The following SLC9A6 variants were observed in gnomAD, a reference collection of about 807,000 sequenced individuals.
SLC9A6 encodes sodium/hydrogen exchanger 6.
SLC9A6 carries 6 observed loss-of-function variants against 45.3 expected under a neutral mutation model. The ratio of observed to expected loss-of-function variants is 0.13; its 90% CI spans 0.07 to 0.26. The LOEUF (loss-of-function observed/expected upper bound fraction) is 0.26, where lower values mean the gene tolerates loss of function less well. Among genes scored for constraint, SLC9A6 ranks in the 10% least tolerant of loss-of-function variants. The pLI, the probability that SLC9A6 is intolerant of heterozygous loss-of-function variation, is 1.00. For missense variants in SLC9A6, 278 were observed against 503.7 expected, an observed-to-expected ratio of 0.55 and a Z score of 4.29; for synonymous variants, 191 against 187.7, an observed-to-expected ratio of 1.02 and a Z score of -0.14.
intron 15 of SLC9A6, 170 bp from the exon 16 acceptor site, chrX:136,033,244 A>G (rs1281462718): frequency 9.7e-6 from 3 of 308,608 alleles, no homozygotes; most frequent in South Asian, 7.1e-5. Flanking sequence ...AAACATTTCA[A>G]TTTCCTATTC....
At chrX:136,042,440 A>G (rs1424727205) in intron 17 of SLC9A6, among the ~76,000 whole-genome samples, 1 of 111,706 alleles carries the variant, frequency 9.0e-6, no homozygotes, top group Non-Finnish European at 1.9e-5. Context: ...GGCCTCCCAA[A>G]GTGTTGGGAT....
At chrX:135,989,507 T>C (rs1008112326) in intron 2 of SLC9A6, among the ~76,000 whole-genome samples, 5 of 112,331 alleles carry the variant, frequency 4.5e-5, no homozygotes, top group African/African-American at 1.6e-4. Flanking sequence ...ATGTCTATGA[T>C]GTATGGGATA....
chrX:135,988,445 C>CTCTCTCT lies in SLC9A6; in HGVS notation c.169+2619_169+2620insCTCTCTT, dbSNP rs1556615206. Among the ~76,000 whole-genome samples the CTCTCTCT allele has an allele frequency of 3.3e-4, 36 of 108,128 alleles. 1 individual carries two copies. Among genetic ancestry groups the CTCTCTCT allele is most frequent in the African/African-American group, 1.1e-3 (32 of 29,596 alleles). 93.9% of individuals were successfully genotyped at this position (108,128 alleles called of 115,157 possible). ...CTCTCTTTCTTTTCTTTCTTTCTTT[C>CTCTCTCT]TTTCTCTCTCTTTTCTTTCTTTCTT... On this transcript the variant is annotated intron_variant, in intron 2 of 17. Transcript: ENST00000630721.
chrX:136,010,223 T>TA, intron 7 of SLC9A6: 3 of 339,854 alleles, frequency 8.8e-6, no homozygotes, highest in African/African-American at 2.9e-5. Flanking sequence ...TACAATGTTC[T>TA]ACCCCCCCCC....
Position 136,015,309 on chromosome X carries a change from T to C in SLC9A6, c.1081-1336T>C, listed in dbSNP as rs141902016. Among the ~76,000 whole-genome samples, 297 of 112,358 alleles carry C rather than the reference T, an allele frequency of 2.6e-3. 1 individual carries two copies. In the East Asian group the frequency reaches 0.068, roughly 26 times the overall value. On this transcript the variant is annotated intron_variant, in intron 10 of 17. Transcript: ENST00000630721. ...CTGCTTTTGTGCTTCACTGGCAGAG[T>C]GAAGTAGTTGTGACAGAGACTTCTT...
chrX:136,013,884 G>A (rs2070969517), intron 10 of SLC9A6, among the ~76,000 whole-genome samples: 1 of 112,238 alleles, frequency 8.9e-6, no homozygotes, highest in Admixed American at 9.5e-5. Context: ...ACATAGGTAA[G>A]ATTAGCTTCT....
intron 2 of SLC9A6, among the ~76,000 whole-genome samples, chrX:135,994,314 A>C (rs1365230394): frequency 9.1e-6 from 1 of 110,095 alleles, no homozygotes; most frequent in Non-Finnish European, 1.9e-5. Context: ...CAAGTTTCCC[A>C]GGCTGGTCTC....
rs1556615208 is a variant in SLC9A6, at chrX:135,988,449, C to CTTTCTT, written c.169+2623_169+2624insTTCTTT. On this transcript the variant is annotated intron_variant, in intron 2 of 17. Transcript: ENST00000630721. ...CTTTCTTTTCTTTCTTTCTTTCTTTCTCTCTCTTTTCTTTCTTTCTTTCTT... is the reference window on the plus strand; with the variant it reads ...CTTTCTTTTCTTTCTTTCTTTCTTTCTTTCTTTCTCTCTTTTCTTTCTTTCTTTCTT... 3.2e-4 allele frequency among the ~76,000 whole-genome samples: 34 copies of CTTTCTT among 107,448 alleles called. 1 individual carries two copies. The highest frequency in any genetic ancestry group is 1.1e-3 in the African/African-American group (31 of 29,292). The allele number at this position is 107,448 out of a possible 115,157, so 93.3% of individuals were successfully genotyped here.
At chrX:136,025,642 T>C (rs1347912181) in intron 13 of SLC9A6, among the ~76,000 whole-genome samples, 8 of 112,076 alleles carry the variant, frequency 7.1e-5, no homozygotes, top group Non-Finnish European at 1.5e-4. Context: ...ACCTGGCATT[T>C]ATTGAACACT....
chrX:135,976,540 T>A (rs998243205), intron 1 of SLC9A6, among the ~76,000 whole-genome samples: 2 of 106,866 alleles, frequency 1.9e-5, no homozygotes, highest in Non-Finnish European at 3.8e-5. Context: ...AGGCGGAGGT[T>A]GCAGTGAGCC....
rs782406357 is a variant in SLC9A6 at position 136,033,402 on chromosome X, A to G, written c.1582-12A>G. 1.0e-5 allele frequency: 11 copies of G among 1,102,374 alleles called. No individual in the cohort carries two copies. The highest frequency in any genetic ancestry group is 1.1e-5 in the Non-Finnish European group (9 of 803,422). 90.8% of individuals were successfully genotyped at this position (1,102,374 alleles called of 1,213,427 possible). A position where few individuals can be genotyped will look rare whatever the true frequency, so the allele number is the denominator to read the frequency against. On this transcript the variant is annotated splice_polypyrimidine_tract_variant and intron_variant, in intron 15 of 17. Transcript: ENST00000630721. ...TTGTATAGATATTGATTTCTGTATTATCTATCTGCAGGGTGTTCCTGAAAA... is the reference window on the plus strand; with the variant it reads ...TTGTATAGATATTGATTTCTGTATTGTCTATCTGCAGGGTGTTCCTGAAAA...
intron 7 of SLC9A6, among the ~76,000 whole-genome samples, chrX:136,009,048 C>T (rs2070870869): frequency 8.9e-6 from 1 of 111,876 alleles, no homozygotes; most frequent in South Asian, 3.7e-4. Flanking sequence ...AAAAATACCA[C>T]CAAAGAAAAA....
chrX:135,997,047 T>C (rs1298046141), intron 3 of SLC9A6, among the ~76,000 whole-genome samples: 4 of 110,389 alleles, frequency 3.6e-5, no homozygotes, highest in South Asian at 3.8e-4. Flanking sequence ...ATTACAGGCT[T>C]GAGCCACCAC....
intron 13 of SLC9A6, among the ~76,000 whole-genome samples, chrX:136,026,692 C>T (rs1311583469): frequency 3.6e-5 from 4 of 111,192 alleles, no homozygotes; most frequent in African/African-American, 1.3e-4. Flanking sequence ...TGCACCACCA[C>T]ACCTGGCTAA....
rs891695661 is a variant in SLC9A6, at chrX:136,024,439, A to G, written c.1416A>G (p.Val472=). The G allele has an allele frequency of 8.3e-7, 1 of 1,210,812 alleles. No individual in the cohort carries two copies. Residue 472 remains valine (V), a synonymous_variant, in exon 13 of 18, where the codon GTA becomes GTG. Coordinates refer to ENST00000630721, the MANE Select transcript of SLC9A6 (RefSeq NM_001379110.1). ...TGATTGTGTTTTTTACCGTGTGGGT[A>G]TTTGGTGGTGGCACCACTGCAATGC... is the stretch of plus-strand genomic sequence containing the variant. ...TLLIVFFTVW[V]FGGGTTAMLS...
chrX:136,023,201 ATATATATATATATAT>A (rs2071167669), intron 12 of SLC9A6, among the ~76,000 whole-genome samples: 2 of 49,382 alleles, frequency 4.1e-5, no homozygotes, highest in South Asian at 1.8e-3. Context: ...ATATATATAT[ATATATATATATATAT>A]ATATATAGTG....
At chrX:136,028,589 G>A (rs1319515899) in intron 13 of SLC9A6, among the ~76,000 whole-genome samples, 1 of 112,601 alleles carries the variant, frequency 8.9e-6, no homozygotes, top group Non-Finnish European at 1.9e-5. Flanking sequence ...CACTGGAGAT[G>A]CATAAATGTG....
chrX:136,006,370 G>A (rs1387592933), intron 7 of SLC9A6, among the ~76,000 whole-genome samples: 2 of 108,619 alleles, frequency 1.8e-5, no homozygotes, highest in African/African-American at 3.4e-5. Flanking sequence ...TGTTACATAG[G>A]TAAATATGTG....
At chrX:135,996,535 T>C (rs2089499879) in intron 3 of SLC9A6, among the ~76,000 whole-genome samples, 1 of 111,301 alleles carries the variant, frequency 9.0e-6, no homozygotes, top group African/African-American at 3.3e-5. Flanking sequence ...GAAGGGGGTA[T>C]TTACATTTTT....
Sources: allele counts gnomAD v4.1 joint callset (sites outside exome capture counted in the v4.1 genomes callset), GRCh38; gene constraint gnomAD v4.1.1; transcripts MANE v1.5; gene names NCBI Gene and HGNC (gene_info 2026-07-23, HGNC 2026-07-21).